Variants in MYRIP observed in about 807,000 individuals in gnomAD.
The protein encoded by MYRIP is rab effector MyRIP.
A neutral mutation model predicts 98.0 loss-of-function variants in MYRIP; 49 were observed. The ratio of observed to expected loss-of-function variants is 0.50; its 90% CI spans 0.40 to 0.63. MYRIP has a LOEUF of 0.63. Among genes scored for constraint, MYRIP ranks in the 30% least tolerant of loss-of-function variants. The pLI, the probability that MYRIP is intolerant of heterozygous loss-of-function variation, is 0.00. For synonymous variants in MYRIP, 404 were observed against 409.5 expected, an observed-to-expected ratio of 0.99 and a Z score of 0.16; for missense variants, 1,004 against 1,058.2, an observed-to-expected ratio of 0.95 and a Z score of 0.71.
chr3:40,136,952 C>G (rs1300490880), intron 3 of MYRIP, among the ~76,000 whole-genome samples: 1 of 151,916 alleles, frequency 6.6e-6, no homozygotes, highest in Non-Finnish European at 1.5e-5. Flanking sequence ...AAATGGACAC[C>G]CTAACATCAC....
At chr3:40,218,965 G>C (rs1952239226) in intron 11 of MYRIP, among the ~76,000 whole-genome samples, 1 of 152,040 alleles carries the variant, frequency 6.6e-6, no homozygotes, top group Non-Finnish European at 1.5e-5. Flanking sequence ...AATTATAGCA[G>C]TGGTGCTAAC....
Position 40,195,081 on chromosome 3 carries a change from T to C in MYRIP, c.1665+4618T>C, listed in dbSNP as rs11926994. Among the ~76,000 whole-genome samples the C allele has an allele frequency of 5.6e-3, 853 of 152,344 alleles. 5 individuals carry two copies. The highest frequency in any genetic ancestry group is 8.0e-3 in the Non-Finnish European group (546 of 68,026). ...TGACTAATTATGCTACACTGTGACA[T>C]AGCAATGACATCTGGCACCTTGCCT... On this transcript the variant is annotated intron_variant, in intron 10 of 16. Transcript: ENST00000302541.
At chr3:40,142,443 T>C (rs6781148) in intron 3 of MYRIP, among the ~76,000 whole-genome samples, 16,763 of 152,160 alleles carry the variant, frequency 0.11, 2,070 homozygotes, top group African/African-American at 0.3. Context: ...TTTGTGTAAT[T>C]ATCCTCAGGG....
At chr3:40,186,583 G>A (rs1255409928) in intron 9 of MYRIP, among the ~76,000 whole-genome samples, 1 of 152,154 alleles carries the variant, frequency 6.6e-6, no homozygotes, top group African/African-American at 2.4e-5. Context: ...TTGGTTGAGG[G>A]CTGCTCCCAG....
At chr3:40,247,282 AT>A (rs1239734655) in intron 13 of MYRIP, among the ~76,000 whole-genome samples, 2 of 152,094 alleles carry the variant, frequency 1.3e-5, no homozygotes, top group Non-Finnish European at 2.9e-5. Flanking sequence ...TTAATTTTTC[AT>A]TTATTTTTAA....
chr3:39,863,808 C>G (rs1348809571), intron 1 of MYRIP, among the ~76,000 whole-genome samples: 2 of 152,086 alleles, frequency 1.3e-5, no homozygotes, highest in East Asian at 3.8e-4. Context: ...AGGCCAGTAT[C>G]ATCTTGACAC....
At chr3:40,161,152 TGA>T (rs1268556970) in intron 4 of MYRIP, among the ~76,000 whole-genome samples, 1 of 152,168 alleles carries the variant, frequency 6.6e-6, no homozygotes, top group Non-Finnish European at 1.5e-5. Flanking sequence ...TGCCAACTCA[TGA>T]AAAATAGTGG....
chr3:39,855,809 T>A (rs1343967590), intron 1 of MYRIP, among the ~76,000 whole-genome samples: 1 of 152,120 alleles, frequency 6.6e-6, no homozygotes, highest in Non-Finnish European at 1.5e-5. Flanking sequence ...CTCCTGCACT[T>A]GTGTCTGCAG....
chr3:39,848,316 G>C (rs1942031436), intron 1 of MYRIP, among the ~76,000 whole-genome samples: 1 of 152,136 alleles, frequency 6.6e-6, no homozygotes, highest in African/African-American at 2.4e-5. Flanking sequence ...AATTGGAAAG[G>C]TACTTTTTAT....
intron 2 of MYRIP, among the ~76,000 whole-genome samples, chr3:39,951,351 G>C (rs766564612): frequency 6.6e-6 from 1 of 151,810 alleles, no homozygotes; most frequent in Non-Finnish European, 1.5e-5. Flanking sequence ...AGGGGAAGGA[G>C]ATTGGTGGAA....
chr3:39,886,211 C>T (rs1269172617), intron 1 of MYRIP, among the ~76,000 whole-genome samples: 4 of 151,970 alleles, frequency 2.6e-5, no homozygotes, highest in African/African-American at 9.7e-5. Context: ...AAAGGAACAA[C>T]CGGTACCAGC....
intron 13 of MYRIP, 130 bp from the exon 14 acceptor site, chr3:40,250,092 T>C: frequency 2.8e-6 from 2 of 711,874 alleles, no homozygotes; most frequent in Admixed American, 2.5e-5. Flanking sequence ...TTGGTAGAAG[T>C]TGAATGAATG....
intron 3 of MYRIP, among the ~76,000 whole-genome samples, chr3:40,082,882 C>T (rs1948509974): frequency 6.6e-6 from 1 of 152,124 alleles, no homozygotes; most frequent in Non-Finnish European, 1.5e-5. Context: ...TGTAATAAGA[C>T]ACTTAATAAG....
At chr3:40,036,009 A>T (rs1229410387) in intron 2 of MYRIP, among the ~76,000 whole-genome samples, 1 of 151,988 alleles carries the variant, frequency 6.6e-6, no homozygotes, top group Non-Finnish European at 1.5e-5. Flanking sequence ...ATTAGGAGAC[A>T]TGGAAGAACA....
chr3:39,921,329 T>C (rs922868978), intron 2 of MYRIP, among the ~76,000 whole-genome samples: 2 of 152,104 alleles, frequency 1.3e-5, no homozygotes, highest in African/African-American at 4.8e-5. Context: ...CAGTAGGCCT[T>C]TTGCTAAGTT....
intron 3 of MYRIP, chr3:40,099,931 C>A (rs1948911639): frequency 2.2e-6 from 2 of 919,196 alleles, no homozygotes; most frequent in African/African-American, 1.8e-5. Context: ...CCCTGTTGCA[C>A]ATGTGTTGAT....
In MYRIP at chr3:40,182,248, GAGA is replaced by G. The variant is rs1472868397; in HGVS notation, c.908_910del (p.Glu303del). On this transcript the variant is annotated inframe_deletion, in exon 9 of 17. Coordinates refer to ENST00000302541, the MANE Select transcript of MYRIP (RefSeq NM_015460.4). ...TCCCAGTCTGCCTTCTCAATCACTG[GAGA>G]AGAAGCCCTGAAGACCCCTCCAGTG... is the stretch of plus-strand genomic sequence containing the variant. 5.0e-6 allele frequency: 8 copies of G among 1,613,016 alleles called. No individual in the cohort carries two copies. The highest frequency in any genetic ancestry group is 8.5e-7 in the Non-Finnish European group (1 of 1,179,596).
chr3:40,127,648 G>A (rs1224677722), intron 3 of MYRIP, among the ~76,000 whole-genome samples: 1 of 152,182 alleles, frequency 6.6e-6, no homozygotes, highest in Non-Finnish European at 1.5e-5. Flanking sequence ...CTGCATTCCC[G>A]GTTGGGGGTG....
At chr3:39,986,358 T>C (rs552184502) in intron 2 of MYRIP, among the ~76,000 whole-genome samples, 18 of 152,282 alleles carry the variant, frequency 1.2e-4, no homozygotes, top group African/African-American at 4.1e-4. Flanking sequence ...TTTACATTTA[T>C]ATATGAGAAC....
Sources: allele counts gnomAD v4.1 joint callset (sites outside exome capture counted in the v4.1 genomes callset), GRCh38; gene constraint gnomAD v4.1.1; transcripts MANE v1.5; gene names NCBI Gene and HGNC (gene_info 2026-07-23, HGNC 2026-07-21).